The following STOX2 variants were observed in gnomAD, a reference collection of about 807,000 sequenced individuals.
STOX2 encodes storkhead-box protein 2.
Under a neutral mutation model 60.9 loss-of-function variants are expected in STOX2, and 28 were observed. The observed-to-expected ratio is 0.46, with a 90% CI of 0.34 to 0.63. The LOEUF is 0.63. Among genes scored for constraint, STOX2 ranks in the 30% least tolerant of loss-of-function variants. STOX2 has a pLI of 0.01. For missense variants in STOX2, 1,024 were observed against 1,187.7 expected (o/e 0.86, Z 2.03); for synonymous variants, 472 against 463.9 (o/e 1.02, Z -0.22).
chr4:183,880,712 C>T (rs1740940095), intron 1 of STOX2, among the ~76,000 whole-genome samples: 1 of 152,218 alleles, frequency 6.6e-6, no homozygotes, highest in African/African-American at 2.4e-5. Flanking sequence ...GTGAAAGAGA[C>T]AGCAGAAAGC....
At chr4:183,886,485 CT>C (rs148965107) in intron 1 of STOX2, among the ~76,000 whole-genome samples, 1,589 of 152,298 alleles carry the variant, frequency 0.01, 26 homozygotes, top group African/African-American at 0.037. Context: ...GCCTGCATGT[CT>C]GTGAGTCCAT....
chr4:184,003,729 A>G (rs986499091), intron 2 of STOX2, among the ~76,000 whole-genome samples: 1 of 152,240 alleles, frequency 6.6e-6, no homozygotes, highest in African/African-American at 2.4e-5. Flanking sequence ...TGGAGGTCAT[A>G]TGGCTAAAAG....
In STOX2 at chr4:184,009,154, T is replaced by TTA; in HGVS notation, c.320-4_320-3insTA. The TTA allele has an allele frequency of 1.4e-6, 2 of 1,470,564 alleles. No homozygotes were observed. The highest frequency in any genetic ancestry group is 1.8e-6 in the Non-Finnish European group (2 of 1,104,704). 91.1% of individuals were successfully genotyped at this position (1,470,564 alleles called of 1,614,324 possible). On this transcript the variant is annotated splice_region_variant and splice_polypyrimidine_tract_variant and intron_variant, in intron 2 of 3. Coordinates refer to ENST00000308497, the MANE Select transcript of STOX2 (RefSeq NM_020225.3). This position sits in a 1 kb window ranked among gnomAD's most constrained non-coding sequence, Gnocchi z 4.0. ...ACAAGTGGTTTTTTTTTTTTTTTTT[T>TTA]CAGGTGTTCCAACGCCAAGCCAAGA...
intron 1 of STOX2, among the ~76,000 whole-genome samples, chr4:183,885,767 A>G (rs1363746563): frequency 1.3e-5 from 2 of 152,222 alleles, no homozygotes; most frequent in Admixed American, 1.3e-4. Flanking sequence ...TTTTGTTTTT[A>G]AAAGTTCATT....
In STOX2 at chr4:184,010,543, G is replaced by A. The variant is rs201384199; in HGVS notation, c.1705G>A (p.Ala569Thr). ...CAGTGGCAGCAAGGAACCGTCCAGC[G>A]CTTGCAGCCTTTTGGAGCCAGGAAA... ...IVSGSKEPSSACSLLEPGKPP... is the reference protein window; with the variant it reads ...IVSGSKEPSSTCSLLEPGKPP... The change falls in exon 3 of 4, where the codon GCT becomes ACT. Residue 569 changes from alanine to threonine, a missense_variant. Physicochemically the swap from Ala to Thr is moderately conservative, Grantham distance 58. Transcript: ENST00000308497. The surrounding 1 kb of genome is among the most constrained non-coding windows in gnomAD (Gnocchi z 4.5). 8.8e-5 allele frequency: 142 copies of A among 1,613,888 alleles called. No individual in the cohort carries two copies. The highest frequency in any genetic ancestry group is 3.6e-4 in the African/African-American group (27 of 75,068).
intron 1 of STOX2, among the ~76,000 whole-genome samples, chr4:183,828,913 C>T (rs977151522): frequency 1.1e-4 from 17 of 152,176 alleles, no homozygotes; most frequent in African/African-American, 3.9e-4. Context: ...AAACCTACCA[C>T]GGACGCCAGA....
intron 1 of STOX2, among the ~76,000 whole-genome samples, chr4:183,890,746 T>C (rs1221716517): frequency 6.6e-6 from 1 of 152,120 alleles, no homozygotes; most frequent in Non-Finnish European, 1.5e-5. Context: ...TTAAGAATGC[T>C]CGGAAGGGTA....
intron 1 of STOX2, chr4:183,853,941 T>C (rs1025686507): frequency 6.6e-6 from 1 of 152,258 alleles, no homozygotes; most frequent in Admixed American, 6.5e-5. Context: ...CTGACTATTC[T>C]GTTCTGGCGA....
chr4:183,844,304 A>C (rs1406657615), intron 1 of STOX2, among the ~76,000 whole-genome samples: 1 of 152,174 alleles, frequency 6.6e-6, no homozygotes, highest in Non-Finnish European at 1.5e-5. Flanking sequence ...TAGAAAAAAA[A>C]CCTGAGAACT....
intron 1 of STOX2, among the ~76,000 whole-genome samples, chr4:183,980,587 G>A (rs1732624932): frequency 6.6e-6 from 1 of 152,122 alleles, no homozygotes; most frequent in East Asian, 1.9e-4. Flanking sequence ...TACAAATTCA[G>A]CCTGGTCATG....
chr4:183,870,197 C>T (rs1740656932), intron 1 of STOX2, among the ~76,000 whole-genome samples: 1 of 152,136 alleles, frequency 6.6e-6, no homozygotes, highest in Admixed American at 6.5e-5. Flanking sequence ...ACTAAAATAC[C>T]AGAGCCATAG....
intron 1 of STOX2, among the ~76,000 whole-genome samples, chr4:183,955,677 T>C (rs1226334490): frequency 6.6e-6 from 1 of 152,210 alleles, no homozygotes; most frequent in African/African-American, 2.4e-5. Flanking sequence ...GGGCCACATC[T>C]CTAGTAGCTT....
chr4:183,946,627 G>GTTT (rs66484161), intron 1 of STOX2, among the ~76,000 whole-genome samples: 4 of 131,398 alleles, frequency 3.0e-5, no homozygotes, highest in African/African-American at 1.2e-4. Flanking sequence ...CATAGTTGTG[G>GTTT]TTTTTTTTTT....
chr4:183,967,371 GAAA>G (rs60724798), intron 1 of STOX2, among the ~76,000 whole-genome samples: 7,157 of 111,258 alleles, frequency 0.064, 610 homozygotes, highest in African/African-American at 0.2. Context: ...CGTCTCAAGA[GAAA>G]AAAAAAAAAA....
chr4:183,904,958 A>G (rs1476798908), upstream of STOX2, among the ~76,000 whole-genome samples: 2 of 152,232 alleles, frequency 1.3e-5, no homozygotes, highest in African/African-American at 4.8e-5. Context: ...GTGAATATGA[A>G]ACAACAGCAT....
intron 1 of STOX2, among the ~76,000 whole-genome samples, chr4:183,883,669 C>T (rs868380409): frequency 2.6e-5 from 4 of 151,736 alleles, no homozygotes; most frequent in Non-Finnish European, 5.9e-5. Context: ...TTTTCCCTTT[C>T]GAAGAGGAAA....
chr4:183,851,583 A>G (rs569870015), intron 1 of STOX2, among the ~76,000 whole-genome samples: 325 of 115,004 alleles, frequency 2.8e-3, no homozygotes, highest in African/African-American at 0.012. Context: ...GAGAGAAAGG[A>G]TGAGGGAAAG....
intron 1 of STOX2, among the ~76,000 whole-genome samples, chr4:183,946,390 T>A (rs982632687): frequency 1.3e-5 from 2 of 152,152 alleles, no homozygotes; most frequent in Non-Finnish European, 2.9e-5. Flanking sequence ...AGTACAGTCA[T>A]GCCTCGGTGT....
At chr4:183,801,975 T>G (rs959885288) in intron 1 of STOX2, among the ~76,000 whole-genome samples, 4 of 152,170 alleles carry the variant, frequency 2.6e-5, no homozygotes, top group African/African-American at 9.7e-5. Flanking sequence ...GAGTGTTTGC[T>G]CTCCTTCGGT....
Sources: allele counts gnomAD v4.1 joint callset (sites outside exome capture counted in the v4.1 genomes callset), GRCh38; gene constraint gnomAD v4.1.1; non-coding constraint Gnocchi (gnomAD v3.1); transcripts MANE v1.5; gene names NCBI Gene and HGNC (gene_info 2026-07-23, HGNC 2026-07-21).